The following ACTN4 variants were observed in gnomAD, a reference collection of about 807,000 sequenced individuals.
The protein encoded by ACTN4 is alpha-actinin-4.
In ACTN4, 18 loss-of-function variants were observed where a neutral mutation model predicts 114.2. The observed-to-expected ratio is 0.16, with a 90% CI of 0.11 to 0.23. The LOEUF (loss-of-function observed/expected upper bound fraction) is 0.23, where lower values mean the gene tolerates loss of function less well. ACTN4 is among the 10% of genes least tolerant of loss of function. ACTN4 has a pLI of 1.00. For synonymous variants in ACTN4, 515 were observed against 506.3 expected (o/e 1.02, Z -0.23); for missense variants, 722 against 1,262.9 (o/e 0.57, Z 6.49).
Position 38,700,926 on chromosome 19 carries a change from GCCTCTCTC to G in ACTN4, c.278-69_278-62del. On this transcript the variant is annotated intron_variant, in intron 2 of 20. Transcript: ENST00000252699. Reference sequence around the variant, plus strand: ...TTTGGAGAACAGAGGAGACTCTAAAGCCTCTCTCCCTCTCGCCCTCTCTCCCTTTCTCT... The same window carrying G: ...TTTGGAGAACAGAGGAGACTCTAAAGCCTCTCGCCCTCTCTCCCTTTCTCT... The G allele has an allele frequency of 6.3e-6, 10 of 1,582,314 alleles. No individual in the cohort carries two copies. In the Admixed American group the frequency reaches 7.0e-5, roughly 11 times the overall value.
chr19:38,728,147 T>C lies in ACTN4; in HGVS notation c.2418+121T>C. The stretch of plus-strand genomic sequence containing the variant: ...CCTGTGTGCCATCTCATGGCTCTCT[T>C]GCCTCCCTGCCCACATCTCCCTGGA... On this transcript the variant is annotated intron_variant, in intron 19 of 20. Coordinates refer to ENST00000252699, the MANE Select transcript of ACTN4 (RefSeq NM_004924.6). 3.7e-6 allele frequency: 5 copies of C among 1,346,310 alleles called. No individual in the cohort carries two copies. In the South Asian group the frequency reaches 5.0e-5, roughly 14 times the overall value. 83.4% of individuals were successfully genotyped at this position (1,346,310 alleles called of 1,614,324 possible). A position where few individuals can be genotyped will look rare whatever the true frequency, so the allele number is the denominator to read the frequency against.
At chr19:38,681,130 A>G (rs796542675) in intron 1 of ACTN4, among the ~76,000 whole-genome samples, 36 of 31,034 alleles carry the variant, frequency 1.2e-3, no homozygotes, top group Admixed American at 3.0e-3. Flanking sequence ...CAATCTCTAG[A>G]AAAAAAAAAA....
intron 1 of ACTN4, among the ~76,000 whole-genome samples, chr19:38,657,276 G>A (rs1976739545): frequency 6.6e-6 from 1 of 151,986 alleles, no homozygotes; most frequent in Non-Finnish European, 1.5e-5. Flanking sequence ...CCAAGTAGCT[G>A]GGATTACAGG....
intron 2 of ACTN4, 116 bp downstream of exon 2, chr19:38,700,830 C>T (rs1225898262): frequency 1.5e-6 from 2 of 1,362,130 alleles, no homozygotes; most frequent in Admixed American, 1.9e-5. Flanking sequence ...GAGAGGGCAC[C>T]CCTTAATAGC....
chr19:38,726,871 G>A, intron 17 of ACTN4, 86 bp from the exon 18 acceptor site: 1 of 1,584,288 alleles, frequency 6.3e-7, no homozygotes, highest in Non-Finnish European at 8.6e-7. Flanking sequence ...CAGGGCGGGA[G>A]GACAGTTCAC....
At chr19:38,661,422 A>G (rs1002222175) in intron 1 of ACTN4, among the ~76,000 whole-genome samples, 3 of 152,128 alleles carry the variant, frequency 2.0e-5, no homozygotes, top group African/African-American at 7.2e-5. Context: ...ACTGTGTACT[A>G]CTCATAATGG....
At chr19:38,721,718 C>G in intron 12 of ACTN4, 30 bp downstream of exon 12, 1 of 1,608,610 alleles carries the variant, frequency 6.2e-7, no homozygotes, top group South Asian at 1.1e-5. Flanking sequence ...ACTATCATCA[C>G]CTGGCTCTCA....
At chr19:38,672,238 CTTTTTT>C (rs35567918) in intron 1 of ACTN4, among the ~76,000 whole-genome samples, 1 of 113,744 alleles carries the variant, frequency 8.8e-6, no homozygotes, top group Non-Finnish European at 1.7e-5. Flanking sequence ...ACATGTGGTT[CTTTTTT>C]TTTTTTTTTT....
Position 38,687,797 on chromosome 19 carries a change from A to C in ACTN4, c.163-12803A>C, listed in dbSNP as rs1599799844. Among the ~76,000 whole-genome samples, 4 of 152,356 alleles carry C rather than the reference A, an allele frequency of 2.6e-5. No homozygotes were observed. The East Asian group carries it at 7.7e-4, about 29-fold the overall frequency. ...TAAATCAGACTGTTTCAAAACTGGAAACTTTTTGCTTCAAAGGACACTATT... is the reference window on the plus strand; with the variant it reads ...TAAATCAGACTGTTTCAAAACTGGACACTTTTTGCTTCAAAGGACACTATT... On this transcript the variant is annotated intron_variant, in intron 1 of 20. Transcript: ENST00000252699.
At chr19:38,669,731 A>G (rs552043306) in intron 1 of ACTN4, among the ~76,000 whole-genome samples, 91 of 152,128 alleles carry the variant, frequency 6.0e-4, no homozygotes, top group Non-Finnish European at 1.1e-3. Flanking sequence ...GGTTTGCACC[A>G]CTTTTTAACA....
At position 38,717,678 on chromosome 19, in the gene ACTN4, C is replaced by T. The variant is rs867590038; in HGVS notation, c.1144-249C>T. On this transcript the variant is annotated intron_variant, in intron 10 of 20. Transcript: ENST00000252699. This position sits in a 1 kb window ranked among gnomAD's most constrained non-coding sequence, Gnocchi z 4.0. ...AGTGCGCCCTGGACGGTACCACCTC[C>T]CCATCTATGGTATTCATCCATTCAT... Among the ~76,000 whole-genome samples the T allele has an allele frequency of 2.0e-5, 3 of 152,208 alleles. No homozygotes were observed. The highest frequency in any genetic ancestry group is 6.5e-5 in the Admixed American group (1 of 15,280).
At chr19:38,705,456 C>G (rs1968426139) in intron 4 of ACTN4, among the ~76,000 whole-genome samples, 1 of 152,236 alleles carries the variant, frequency 6.6e-6, no homozygotes, top group African/African-American at 2.4e-5. Flanking sequence ...ATTTCGCTTC[C>G]CTGCAAGCAC....
At position 38,673,456 on chromosome 19, in the gene ACTN4, C is replaced by CATATATATTTATATATATTTAT. The variant is rs1386416256; in HGVS notation, c.162+25559_162+25580dup. On this transcript the variant is annotated intron_variant, in intron 1 of 20. Transcript: ENST00000252699. ...GTTTTATTTTTTATATATATATATT[C>CATATATATTTATATATATTTAT]ATATATATTTATATATATTTATATA... is the stretch of plus-strand genomic sequence containing the variant. Among the ~76,000 whole-genome samples, 2 of 71,746 alleles carry CATATATATTTATATATATTTAT rather than the reference C, an allele frequency of 2.8e-5. 1 individual carries two copies. The highest frequency in any genetic ancestry group is 3.2e-4 in the Admixed American group (2 of 6,206). The allele number at this position is 71,746 out of a possible 152,430, so 47.1% of individuals were successfully genotyped here.
chr19:38,718,455 G>A (rs1330571098), intron 11 of ACTN4, among the ~76,000 whole-genome samples: 1 of 152,126 alleles, frequency 6.6e-6, no homozygotes, highest in Non-Finnish European at 1.5e-5. Context: ...AGGATTGATT[G>A]AGCCAGGGAG....
At position 38,730,777 on chromosome 19, in the gene ACTN4, T is replaced by C. The variant is rs1285954900; in HGVS notation, c.*1345T>C. On this transcript the variant is annotated 3_prime_UTR_variant, in exon 21 of 21. Transcript: ENST00000252699. ...TGGATGCCAGAGAGAGTGGCACCCA[T>C]GCCAGGCAAGGCCTAGGGAGGTGGT... The C allele has an allele frequency of 5.2e-6, 8 of 1,528,250 alleles. No individual in the cohort carries two copies. Among genetic ancestry groups the C allele is most frequent in the Non-Finnish European group, 7.1e-6 (8 of 1,129,126 alleles). The allele number at this position is 1,528,250 out of a possible 1,614,324, so 94.7% of individuals were successfully genotyped here.
At chr19:38,673,665 TATATATATTTATA>T (rs1967259120) in intron 1 of ACTN4, among the ~76,000 whole-genome samples, 2 of 29,248 alleles carry the variant, frequency 6.8e-5, no homozygotes, top group African/African-American at 1.2e-4. Flanking sequence ...TTATATATAT[TATATATATTTATA>T]TATTTATATA....
Position 38,730,200 on chromosome 19 carries a change from C to CTATT in ACTN4, c.*771_*774dup, listed in dbSNP as rs1424414742. 6.4e-6 allele frequency: 1 copy of CTATT among 155,206 alleles called. No homozygotes were observed. Among genetic ancestry groups the CTATT allele is most frequent in the Non-Finnish European group, 1.4e-5 (1 of 70,622 alleles). The allele number at this position is 155,206 out of a possible 1,614,324, so 9.6% of individuals were successfully genotyped here. ...AGAATTAAAAACTTTCAGAGAATTA[C>CTATT]TATTTACTTTATTAACTTACGGATT... On this transcript the variant is annotated 3_prime_UTR_variant, in exon 21 of 21. Coordinates refer to ENST00000252699, the MANE Select transcript of ACTN4 (RefSeq NM_004924.6).
chr19:38,703,814 G>A (rs1968364545), intron 3 of ACTN4, among the ~76,000 whole-genome samples: 1 of 152,062 alleles, frequency 6.6e-6, no homozygotes, highest in Non-Finnish European at 1.5e-5. Context: ...AGCTCCTTGG[G>A]ACGGGCAGTC....
chr19:38,664,462 A>G (rs1235961520), intron 1 of ACTN4, among the ~76,000 whole-genome samples: 2 of 151,956 alleles, frequency 1.3e-5, no homozygotes, highest in Non-Finnish European at 2.9e-5. Context: ...GTTTCTCCCC[A>G]CTTCAGATAA....
Sources: gnomAD v4.1 joint callset for allele counts (sites outside exome capture counted in the v4.1 genomes callset) on GRCh38, gnomAD v4.1.1 for gene constraint, Gnocchi (gnomAD v3.1) non-coding constraint, MANE v1.5 for transcripts, NCBI Gene and HGNC (gene_info 2026-07-23, HGNC 2026-07-21) for gene names.